The following ZWILCH variants were observed in gnomAD, a reference collection of about 807,000 sequenced individuals.
The protein encoded by ZWILCH is protein zwilch homolog.
ZWILCH carries 74 observed loss-of-function variants against 79.9 expected under a neutral mutation model. The observed-to-expected ratio is 0.93, with a 90% CI of 0.77 to 1.12. The LOEUF (loss-of-function observed/expected upper bound fraction) is 1.12. Among genes scored for constraint, ZWILCH ranks in the 50% most tolerant of loss-of-function variants. The pLI is 0.00. For synonymous variants in ZWILCH, 241 were observed against 228.2 expected, an observed-to-expected ratio of 1.06 and a Z score of -0.51; for missense variants, 694 against 687.5, an observed-to-expected ratio of 1.01 and a Z score of -0.11.
At position 66,538,146 on chromosome 15, in the gene ZWILCH, C is replaced by T. The variant is rs543471526; in HGVS notation, c.1574+883C>T. On this transcript the variant is annotated intron_variant, in intron 16 of 18. Coordinates refer to ENST00000307897, the MANE Select transcript of ZWILCH (RefSeq NM_017975.5). ...TCCAATGAGGGTCTCCTTGACTCTT[C>T]TCTCAGCATATGATATACTTGAAAT... 3.3e-5 allele frequency among the ~76,000 whole-genome samples: 5 copies of T among 152,284 alleles called. No individual in the cohort carries two copies. The East Asian group carries it at 5.8e-4, about 18-fold the overall frequency.
chr15:66,526,428 G>A (rs1894674553), intron 8 of ZWILCH, among the ~76,000 whole-genome samples: 1 of 151,696 alleles, frequency 6.6e-6, no homozygotes, highest in Admixed American at 6.6e-5. Flanking sequence ...GAAGTTACAA[G>A]TTGTTTCACT....
chr15:66,538,746 T>C (rs559427178), intron 16 of ZWILCH, among the ~76,000 whole-genome samples: 1 of 152,310 alleles, frequency 6.6e-6, no homozygotes, highest in South Asian at 2.1e-4. Context: ...ACCTATCTCC[T>C]TATTTTCTGT....
chr15:66,535,094 C>T (rs1007067148), intron 14 of ZWILCH, among the ~76,000 whole-genome samples: 4 of 151,722 alleles, frequency 2.6e-5, no homozygotes, highest in African/African-American at 9.7e-5. Context: ...GACGTAGACA[C>T]ACACATTCGC....
In ZWILCH at chr15:66,519,081, G is replaced by A; in HGVS notation, c.520+3G>A. On this transcript the variant is annotated splice_donor_region_variant and intron_variant, in intron 5 of 18. Coordinates refer to ENST00000307897, the MANE Select transcript of ZWILCH (RefSeq NM_017975.5). ...CTTATATGTGGTCAGTTGTAAAGGT[G>A]AGTGCTCTCTCTAGAGAGTGTGTGT... The A allele has an allele frequency of 6.2e-7, 1 of 1,613,600 alleles. No individual in the cohort carries two copies. The highest frequency in any genetic ancestry group is 1.7e-4 in the Middle Eastern group (1 of 6,060).
chr15:66,505,328 A>T lies in ZWILCH; in HGVS notation c.-11A>T, dbSNP rs544654618. The T allele has an allele frequency of 1.2e-6, 2 of 1,613,570 alleles. No individual in the cohort carries two copies. The highest frequency in any genetic ancestry group is 1.7e-6 in the Non-Finnish European group (2 of 1,179,976). On this transcript the variant is annotated 5_prime_UTR_variant, in exon 1 of 19. Transcript: ENST00000307897. ...TTGGCGGTTCCGGTACCGCTCTCACATTGGGGCGGGATGTGGGAGCGGCTG... is the reference window on the plus strand; with the variant it reads ...TTGGCGGTTCCGGTACCGCTCTCACTTTGGGGCGGGATGTGGGAGCGGCTG...
chr15:66,520,441 C>A, intron 5 of ZWILCH, 149 bp from the exon 6 acceptor site: 1 of 620,956 alleles, frequency 1.6e-6, no homozygotes, highest in Non-Finnish European at 2.9e-6. Flanking sequence ...CTCTTATAAA[C>A]ATTTCACTTA....
intron 7 of ZWILCH, among the ~76,000 whole-genome samples, chr15:66,522,331 C>CTTTT (rs1292788536): frequency 2.7e-4 from 36 of 135,842 alleles, no homozygotes; most frequent in Non-Finnish European, 3.2e-4. Context: ...AGATTTCTTT[C>CTTTT]TTTTTTTTTT....
intron 3 of ZWILCH, 187 bp downstream of exon 3, chr15:66,514,270 G>T: frequency 8.8e-6 from 3 of 339,034 alleles, no homozygotes; most frequent in Middle Eastern, 8.8e-4. Flanking sequence ...ACATTTTCTT[G>T]TAGCCTCATT....
intron 17 of ZWILCH, among the ~76,000 whole-genome samples, chr15:66,543,297 A>T (rs931695211): frequency 6.6e-6 from 1 of 152,236 alleles, no homozygotes; most frequent in African/African-American, 2.4e-5. Context: ...CAAGACTATT[A>T]GTTGTGGTAT....
intron 1 of ZWILCH, among the ~76,000 whole-genome samples, chr15:66,506,715 C>T (rs1321617066): frequency 2.6e-5 from 4 of 152,054 alleles, no homozygotes; most frequent in East Asian, 1.9e-4. Flanking sequence ...GTGGTGCATA[C>T]CTGTAATCCT....
At position 66,549,687 on chromosome 15, in the gene ZWILCH, G is replaced by C. The variant is rs1292270610; in HGVS notation, c.*1363G>C. ...TTGCTTGCCGAATGAACAAATATAAGATCTCAAGTATTCTTTTTTCCTTCA... is the reference window on the plus strand; with the variant it reads ...TTGCTTGCCGAATGAACAAATATAACATCTCAAGTATTCTTTTTTCCTTCA... On this transcript the variant is annotated 3_prime_UTR_variant, in exon 19 of 19. Transcript: ENST00000307897. The C allele has an allele frequency of 2.4e-5, 4 of 165,092 alleles. No homozygotes were observed. The highest frequency in any genetic ancestry group is 5.2e-5 in the Non-Finnish European group (4 of 76,868). 10.2% of individuals were successfully genotyped at this position (165,092 alleles called of 1,614,324 possible).
intron 14 of ZWILCH, 149 bp from the exon 15 acceptor site, chr15:66,535,784 G>C: frequency 1.6e-6 from 1 of 612,268 alleles, no homozygotes; most frequent in East Asian, 3.1e-5. Flanking sequence ...TGAAAGGTGA[G>C]AAATTCTATC....
intron 7 of ZWILCH, among the ~76,000 whole-genome samples, chr15:66,522,024 C>T (rs1018465570): frequency 1.3e-5 from 2 of 151,888 alleles, no homozygotes; most frequent in African/African-American, 4.8e-5. Context: ...ATGGTGAAAC[C>T]CTGTCTCTAC....
In ZWILCH at chr15:66,548,795, G is replaced by C; in HGVS notation, c.*471G>C. The stretch of plus-strand genomic sequence containing the variant: ...TATTTGAAAATGTTATAAGAGCTTT[G>C]TAAATATTTCAGAAAATATGGGATA... On this transcript the variant is annotated 3_prime_UTR_variant, in exon 19 of 19. Coordinates refer to ENST00000307897, the MANE Select transcript of ZWILCH (RefSeq NM_017975.5). The C allele has an allele frequency of 2.6e-6, 1 of 389,324 alleles. No homozygotes were observed. Among genetic ancestry groups the C allele is most frequent in the Non-Finnish European group, 4.6e-6 (1 of 215,456 alleles). The allele number at this position is 389,324 out of a possible 1,614,324, so 24.1% of individuals were successfully genotyped here.
chr15:66,519,577 C>T (rs551953356), intron 5 of ZWILCH, among the ~76,000 whole-genome samples: 3 of 152,280 alleles, frequency 2.0e-5, no homozygotes, highest in Non-Finnish European at 4.4e-5. Context: ...CCTCAGCTTC[C>T]GGAGTAGCTG....
In ZWILCH at chr15:66,548,394, A is replaced by T; in HGVS notation, c.*70A>T. ...AGAGAAAAAAAGGTAATTATTGTAG[A>T]ACCTGAAAACAGCAATGTATGGAAA... On this transcript the variant is annotated 3_prime_UTR_variant, in exon 19 of 19. Coordinates refer to ENST00000307897, the MANE Select transcript of ZWILCH (RefSeq NM_017975.5). 1 of 539,674 alleles carries T rather than the reference A, an allele frequency of 1.9e-6. No individual in the cohort carries two copies. The highest frequency in any genetic ancestry group is 4.2e-5 in the South Asian group (1 of 23,986). The allele number at this position is 539,674 out of a possible 1,614,324, so 33.4% of individuals were successfully genotyped here.
chr15:66,544,738 G>GTGTGTGTGTGTGTGTC (rs1895313967), intron 17 of ZWILCH, among the ~76,000 whole-genome samples: 2 of 149,610 alleles, frequency 1.3e-5, no homozygotes, highest in South Asian at 4.3e-4. Context: ...GTGTGTGTGT[G>GTGTGTGTGTGTGTGTC]TGTGTGTGTG....
At chr15:66,536,272 A>G (rs987969764) in intron 15 of ZWILCH, among the ~76,000 whole-genome samples, 2 of 152,202 alleles carry the variant, frequency 1.3e-5, no homozygotes, top group African/African-American at 4.8e-5. Context: ...TGGCTGCATC[A>G]CTTCCTAACT....
chr15:66,526,996 T>C (rs540028151), intron 8 of ZWILCH, among the ~76,000 whole-genome samples: 11 of 152,246 alleles, frequency 7.2e-5, no homozygotes, highest in African/African-American at 2.6e-4. Flanking sequence ...GTACCATCTT[T>C]GGGATCAGAC....
Sources: allele counts gnomAD v4.1 joint callset (sites outside exome capture counted in the v4.1 genomes callset), GRCh38; gene constraint gnomAD v4.1.1; transcripts MANE v1.5; gene names NCBI Gene and HGNC (gene_info 2026-07-23, HGNC 2026-07-21).